The following PHACTR2 variants were observed in gnomAD, a reference collection of about 807,000 sequenced individuals.
The protein encoded by PHACTR2 is chromosome 6 open reading frame 56.
Under a neutral mutation model 76.0 loss-of-function variants are expected in PHACTR2, and 30 were observed. The ratio of observed to expected loss-of-function variants is 0.39; its 90% CI spans 0.30 to 0.54. PHACTR2 has a LOEUF of 0.54. Ranked by LOEUF, PHACTR2 falls within the 20% of genes least tolerant of loss-of-function variation. The pLI is 0.61. For synonymous variants in PHACTR2, 292 were observed against 292.5 expected, an observed-to-expected ratio of 1.00 and a Z score of 0.02; for missense variants, 696 against 781.1, an observed-to-expected ratio of 0.89 and a Z score of 1.30.
At chr6:143,699,043 T>C (rs116892823) in intron 1 of PHACTR2, among the ~76,000 whole-genome samples, 2 of 152,180 alleles carry the variant, frequency 1.3e-5, no homozygotes, top group African/African-American at 4.8e-5. Context: ...TCATTTTGCG[T>C]CCAGTCTTGT....
upstream of PHACTR2, among the ~76,000 whole-genome samples, chr6:143,674,807 C>G (rs1008609510): frequency 3.3e-5 from 5 of 152,250 alleles, no homozygotes; most frequent in Non-Finnish European, 7.3e-5. This position sits in a 1 kb window ranked among gnomAD's most constrained non-coding sequence, Gnocchi z 4.9. Flanking sequence ...CTGGCAGTAA[C>G]CTAAGTTATA....
At chr6:143,766,902 G>A (rs924333568) in intron 6 of PHACTR2, among the ~76,000 whole-genome samples, 1 of 152,182 alleles carries the variant, frequency 6.6e-6, no homozygotes, top group African/African-American at 2.4e-5. Context: ...TCTGGCAAAG[G>A]CTTAGAGCTC....
chr6:143,629,694 A>C (rs1177477325), intron 1 of PHACTR2, among the ~76,000 whole-genome samples: 1 of 151,990 alleles, frequency 6.6e-6, no homozygotes, highest in Non-Finnish European at 1.5e-5. Flanking sequence ...TTACATGTTG[A>C]GTGTGCTGCC....
chr6:143,566,062 C>A (rs1161776823), intron 1 of PHACTR2, among the ~76,000 whole-genome samples: 1 of 152,156 alleles, frequency 6.6e-6, no homozygotes, highest in Non-Finnish European at 1.5e-5. Flanking sequence ...AACTTCTGGG[C>A]TCAAGCAATC....
chr6:143,796,310 A>G (rs1405084438), intron 11 of PHACTR2, among the ~76,000 whole-genome samples: 1 of 152,184 alleles, frequency 6.6e-6, no homozygotes, highest in African/African-American at 2.4e-5. Context: ...CAAAATGGCA[A>G]TTCTAGTTAA....
chr6:143,615,703 C>T lies in PHACTR2; in HGVS notation c.13+7381C>T, dbSNP rs530349215. Among the ~76,000 whole-genome samples the T allele has an allele frequency of 1.2e-4, 18 of 152,160 alleles. No individual in the cohort carries two copies. The South Asian group carries it at 3.7e-3, about 32-fold the overall frequency. On this transcript the variant is annotated intron_variant, in intron 1 of 11. Transcript: ENST00000305766. Reference sequence around the variant, plus strand: ...CAAAAATTATGGAAAGAGCCTTTCCCATATGTTTTTAATGATATTTAAATG... The same window carrying T: ...CAAAAATTATGGAAAGAGCCTTTCCTATATGTTTTTAATGATATTTAAATG...
rs553975756 is a variant in PHACTR2 at position 143,787,775 on chromosome 6, C to G, written c.1708-998C>G. On this transcript the variant is annotated intron_variant, in intron 10 of 12. Transcript: ENST00000440869. The surrounding 1 kb of genome is among the most constrained non-coding windows in gnomAD (Gnocchi z 4.6). Reference sequence around the variant, plus strand: ...TCTGTTTAAATAAAAAAAAAATAAGCAATATCTCCGGAGAGGACCACTTAG... The same window carrying G: ...TCTGTTTAAATAAAAAAAAAATAAGGAATATCTCCGGAGAGGACCACTTAG... Among the ~76,000 whole-genome samples the G allele has an allele frequency of 3.3e-5, 5 of 152,098 alleles. No individual in the cohort carries two copies. In the East Asian group the frequency reaches 9.7e-4, roughly 29 times the overall value.
At position 143,578,335 on chromosome 6, in the gene PHACTR2, T is replaced by C. The variant is rs1298589677; in HGVS notation, c.217+41128T>C. Among the ~76,000 whole-genome samples, 3 of 152,158 alleles carry C rather than the reference T, an allele frequency of 2.0e-5. No homozygotes were observed. The highest frequency in any genetic ancestry group is 2.9e-5 in the Non-Finnish European group (2 of 68,016). On this transcript the variant is annotated intron_variant, in intron 1 of 11. Coordinates refer to the PHACTR2 transcript ENST00000367584. This position sits in a 1 kb window ranked among gnomAD's most constrained non-coding sequence, Gnocchi z 4.5. ...GGATGATCTAGTTTGATTCAACTCT[T>C]CTTGGCCCTTAACTTTCCTCAGGGA...
chr6:143,763,991 G>A (rs1387026459), intron 5 of PHACTR2, among the ~76,000 whole-genome samples: 1 of 152,158 alleles, frequency 6.6e-6, no homozygotes, highest in African/African-American at 2.4e-5. Flanking sequence ...TCTCATAGGA[G>A]TTTATTTTAT....
rs958068750 is a variant in PHACTR2 at position 143,547,717 on chromosome 6, C to T, written c.217+10510C>T. Among the ~76,000 whole-genome samples the T allele has an allele frequency of 6.6e-6, 1 of 152,186 alleles. No homozygotes were observed. The highest frequency in any genetic ancestry group is 1.5e-5 in the Non-Finnish European group (1 of 68,022). ...AGGGGTTTGTTTGTCTATTTGTTAACAAGAGCAGCCATTAACCGGGAAGGA... is the reference window on the plus strand; with the variant it reads ...AGGGGTTTGTTTGTCTATTTGTTAATAAGAGCAGCCATTAACCGGGAAGGA... On this transcript the variant is annotated intron_variant, in intron 1 of 11. Transcript: ENST00000367584. The surrounding 1 kb of genome is among the most constrained non-coding windows in gnomAD (Gnocchi z 4.2).
chr6:143,752,980 G>A (rs908713756), intron 3 of PHACTR2, among the ~76,000 whole-genome samples: 8 of 151,860 alleles, frequency 5.3e-5, no homozygotes, highest in Admixed American at 1.3e-4. Flanking sequence ...GTTAAAATTA[G>A]TAATTTATGA....
At position 143,765,278 on chromosome 6, in the gene PHACTR2, A is replaced by G. The variant is rs1267009824; in HGVS notation, c.712A>G (p.Lys238Glu). The G allele has an allele frequency of 3.7e-6, 6 of 1,612,226 alleles. No homozygotes were observed. Among genetic ancestry groups the G allele is most frequent in the Non-Finnish European group, 5.1e-6 (6 of 1,179,378 alleles). The part of the protein sequence containing the change: ...TREAAGSSHS[K>E]KTTGSKASAS... ...TATTGTAGCTGGCTCCTCTCATTCA[A>G]AAAAAACAACTGGCTCTAAAGCATC... Residue 238 changes from lysine (K) to glutamate (E), a missense_variant, in exon 6 of 13, where the codon AAA (lysine) becomes GAA (glutamate). Around this residue, in one of 2 missense-constraint regions of PHACTR2, gnomAD observed 460 missense variants for 450.9 expected, o/e 1.02. Coordinates refer to ENST00000440869, the MANE Select transcript of PHACTR2 (RefSeq NM_001100164.2). The surrounding 1 kb of genome is among the most constrained non-coding windows in gnomAD (Gnocchi z 4.1).
chr6:143,757,554 G>T lies in PHACTR2; in HGVS notation c.455-2847G>T, dbSNP rs770312230. ...ACCTTCCAGGGCTCAAAGGAGCCAA[G>T]CCTGGAAGTATGGGAAACAGCTTGT... On this transcript the variant is annotated intron_variant, in intron 4 of 12. Transcript: ENST00000440869. This position sits in a 1 kb window ranked among gnomAD's most constrained non-coding sequence, Gnocchi z 4.2. Among the ~76,000 whole-genome samples, 23 of 152,204 alleles carry T rather than the reference G, an allele frequency of 1.5e-4. No individual in the cohort carries two copies. Among genetic ancestry groups the T allele is most frequent in the Non-Finnish European group, 2.8e-4 (19 of 68,028 alleles).
chr6:143,601,145 G>T (rs1055607888), intron 1 of PHACTR2, among the ~76,000 whole-genome samples: 16 of 152,200 alleles, frequency 1.1e-4, no homozygotes, highest in African/African-American at 3.4e-4. Context: ...CACCGTGCCT[G>T]GTAAATAGTC....
chr6:143,706,276 C>A (rs1442921744), intron 1 of PHACTR2, among the ~76,000 whole-genome samples: 1 of 152,158 alleles, frequency 6.6e-6, no homozygotes, highest in Non-Finnish European at 1.5e-5. Flanking sequence ...TTGGAGAATG[C>A]TATTAGAAAC....
At chr6:143,563,820 A>C in intron 1 of PHACTR2, among the ~76,000 whole-genome samples, 1 of 138,454 alleles carries the variant, frequency 7.2e-6, no homozygotes, top group Non-Finnish European at 1.6e-5. Context: ...ACATGGTGAA[A>C]CCCTGTCTCT....
intron 1 of PHACTR2, among the ~76,000 whole-genome samples, chr6:143,568,952 G>T (rs1430470067): frequency 6.6e-6 from 1 of 152,182 alleles, no homozygotes; most frequent in Non-Finnish European, 1.5e-5. Flanking sequence ...TGCAGATGTG[G>T]TCTGACAGTT....
rs1161220897 is a variant in PHACTR2, at chr6:143,708,651, A to G, written c.47-3365A>G. On this transcript the variant is annotated intron_variant, in intron 1 of 12. Transcript: ENST00000440869. This position sits in a 1 kb window ranked among gnomAD's most constrained non-coding sequence, Gnocchi z 5.5. ...AATAGCAATGCCCAGTGTCCTGGGTATCTAAAGAGGAGAGTTAATATTCTG... is the reference window on the plus strand; with the variant it reads ...AATAGCAATGCCCAGTGTCCTGGGTGTCTAAAGAGGAGAGTTAATATTCTG... 6.6e-6 allele frequency among the ~76,000 whole-genome samples: 1 copy of G among 152,246 alleles called. No individual in the cohort carries two copies. Among genetic ancestry groups the G allele is most frequent in the East Asian group, 1.9e-4 (1 of 5,200 alleles).
intron 1 of PHACTR2, among the ~76,000 whole-genome samples, chr6:143,682,763 A>AT: frequency 6.7e-6 from 1 of 149,888 alleles, no homozygotes; most frequent in Non-Finnish European, 1.5e-5. Context: ...CTAACAAAAA[A>AT]AGTTGTTTTT....
Sources: allele counts gnomAD v4.1 joint callset (sites outside exome capture counted in the v4.1 genomes callset), GRCh38; gene constraint gnomAD v4.1.1; regional missense constraint gnomAD v4.1.1; non-coding constraint Gnocchi (gnomAD v3.1); transcripts MANE v1.5; gene names NCBI Gene and HGNC (gene_info 2026-07-23, HGNC 2026-07-21).